Variants in PTPRM observed in about 807,000 individuals in gnomAD.
The protein encoded by PTPRM is protein tyrosine phosphatase receptor type M.
Under a neutral mutation model 186.7 loss-of-function variants are expected in PTPRM, and 47 were observed. The observed-to-expected ratio is 0.25, with a 90% CI of 0.20 to 0.32. PTPRM has a LOEUF of 0.32. PTPRM is among the 10% of genes least tolerant of loss of function. The pLI, the probability that PTPRM is intolerant of heterozygous loss-of-function variation, is 1.00. For synonymous variants in PTPRM, 668 were observed against 674.9 expected (o/e 0.99, Z 0.16); for missense variants, 1,494 against 1,865.0 (o/e 0.80, Z 3.66).
rs143210877 is a variant in PTPRM, at chr18:7,888,751, G to A, written c.468+374G>A. On this transcript the variant is annotated intron_variant, in intron 3 of 32. Transcript: ENST00000580170. The stretch of plus-strand genomic sequence containing the variant: ...CTAGGTGTCCATCAGTGGTGGACTG[G>A]ATTAAAAAAAACATGGTACATACAC... Among the ~76,000 whole-genome samples, 613 of 151,932 alleles carry A rather than the reference G, an allele frequency of 4.0e-3. 3 individuals carry two copies. Among genetic ancestry groups the A allele is most frequent in the African/African-American group, 0.014 (581 of 41,424 alleles).
At chr18:7,886,833 T>C (rs2048811523) in intron 2 of PTPRM, among the ~76,000 whole-genome samples, 1 of 152,194 alleles carries the variant, frequency 6.6e-6, no homozygotes, top group African/African-American at 2.4e-5. Context: ...TCTTAATCGG[T>C]GAAGGATATC....
chr18:8,199,711 A>G (rs2093827321), intron 14 of PTPRM, among the ~76,000 whole-genome samples: 1 of 152,224 alleles, frequency 6.6e-6, no homozygotes. Context: ...GGAAACAATG[A>G]GCCTAAATAA....
chr18:8,199,658 GATTCATTGAAGTGAAGGTATTTC>G (rs2093826500), intron 14 of PTPRM, among the ~76,000 whole-genome samples: 1 of 152,182 alleles, frequency 6.6e-6, no homozygotes, highest in Non-Finnish European at 1.5e-5. Flanking sequence ...ACAGGGACAA[GATTCATTGAAGTGAAGGTATTTC>G]ACTTCCAACT....
intron 22 of PTPRM, among the ~76,000 whole-genome samples, chr18:8,339,081 C>T (rs1035583389): frequency 2.0e-5 from 3 of 152,126 alleles, no homozygotes; most frequent in African/African-American, 7.2e-5. Flanking sequence ...TCTCTCACTT[C>T]CCATGAACTA....
chr18:8,205,451 C>G (rs1261517317), intron 14 of PTPRM, among the ~76,000 whole-genome samples: 1 of 152,066 alleles, frequency 6.6e-6, no homozygotes, highest in Non-Finnish European at 1.5e-5. Flanking sequence ...ACACTGAGTC[C>G]TTTGGGTTTG....
At chr18:8,237,431 ATTTTTTTTTTTTT>A (rs59073560) in intron 14 of PTPRM, among the ~76,000 whole-genome samples, 11 of 71,676 alleles carry the variant, frequency 1.5e-4, no homozygotes, top group South Asian at 5.3e-4. Context: ...GATTCCCTCA[ATTTTTTTTTTTTT>A]TTTTTTTTTT....
At chr18:8,237,445 T>TTA (rs1169619423) in intron 14 of PTPRM, among the ~76,000 whole-genome samples, 1 of 114,074 alleles carries the variant, frequency 8.8e-6, no homozygotes, top group African/African-American at 4.0e-5. Flanking sequence ...TTTTTTTTTT[T>TTA]TTTTTTTTTT....
At chr18:8,349,539 C>T (rs145367954) in intron 23 of PTPRM, among the ~76,000 whole-genome samples, 5 of 152,164 alleles carry the variant, frequency 3.3e-5, no homozygotes, top group Non-Finnish European at 7.3e-5. Context: ...GTCATCCTTT[C>T]GCCTATCATA....
intron 2 of PTPRM, among the ~76,000 whole-genome samples, chr18:7,872,489 A>C (rs2146197373): frequency 1.3e-5 from 2 of 152,316 alleles, no homozygotes; most frequent in Middle Eastern, 3.4e-3. Context: ...CCCGGATTGA[A>C]AACGATTACT....
chr18:8,025,600 A>G (rs1380892225), intron 7 of PTPRM, among the ~76,000 whole-genome samples: 2 of 152,248 alleles, frequency 1.3e-5, no homozygotes, highest in East Asian at 1.9e-4. Flanking sequence ...TGTATTTTAT[A>G]TAACATGAAG....
At chr18:7,795,841 G>A (rs1433603990) in intron 2 of PTPRM, among the ~76,000 whole-genome samples, 13 of 140,506 alleles carry the variant, frequency 9.3e-5, no homozygotes, top group Non-Finnish European at 1.7e-4. Context: ...GAGAGACAGG[G>A]TCTTGTTCTG....
chr18:8,244,299 C>T (rs985094031), intron 15 of PTPRM, 90 bp downstream of exon 15: 82 of 1,146,078 alleles, frequency 7.2e-5, no homozygotes, highest in Middle Eastern at 2.2e-4. Context: ...AAAAAAAAAG[C>T]TTCCTGAAGA....
Position 7,899,200 on chromosome 18 carries a change from G to A in PTPRM, c.469-7305G>A, listed in dbSNP as rs118127892. On this transcript the variant is annotated intron_variant, in intron 3 of 32. Coordinates refer to ENST00000580170, the MANE Select transcript of PTPRM (RefSeq NM_001105244.2). ...CAAAAAGAAGCACAAAAATGGAAAA[G>A]CATGGCACTAACTAGACCACGATAA... Among the ~76,000 whole-genome samples, 430 of 152,272 alleles carry A rather than the reference G, an allele frequency of 2.8e-3. 11 individuals carry two copies. In the East Asian group the frequency reaches 0.063, roughly 22 times the overall value.
chr18:8,371,131 G>T (rs907893573), intron 24 of PTPRM, 125 bp downstream of exon 24: 2 of 523,196 alleles, frequency 3.8e-6, no homozygotes, highest in Admixed American at 6.2e-5. Flanking sequence ...CTATCTGATG[G>T]TTTCTCAAGA....
intron 3 of PTPRM, among the ~76,000 whole-genome samples, chr18:7,900,106 A>T (rs2049583389): frequency 6.6e-6 from 1 of 152,252 alleles, no homozygotes; most frequent in Admixed American, 6.5e-5. Context: ...GCCAAGCAGG[A>T]AAGTTTTCTC....
intron 32 of PTPRM, among the ~76,000 whole-genome samples, chr18:8,405,566 C>T (rs1403742846): frequency 6.6e-6 from 1 of 152,208 alleles, no homozygotes; most frequent in East Asian, 1.9e-4. Flanking sequence ...CTGTCTCATC[C>T]TCCTCACTGG....
intron 2 of PTPRM, among the ~76,000 whole-genome samples, chr18:7,811,330 G>C (rs2044502349): frequency 6.6e-6 from 1 of 152,102 alleles, no homozygotes; most frequent in South Asian, 2.1e-4. Context: ...GCTTTGCATA[G>C]GCTTTGCACA....
chr18:7,864,992 T>A (rs562917020), intron 2 of PTPRM, among the ~76,000 whole-genome samples: 37 of 152,348 alleles, frequency 2.4e-4, no homozygotes, highest in Middle Eastern at 3.4e-3. Context: ...GATTTGGCTC[T>A]CTGTTTGTCT....
At chr18:7,876,987 G>T (rs1252830497) in intron 2 of PTPRM, among the ~76,000 whole-genome samples, 4 of 152,084 alleles carry the variant, frequency 2.6e-5, no homozygotes, top group Non-Finnish European at 4.4e-5. Flanking sequence ...GAGTAAAAGA[G>T]TTAATATATG....
Sources: allele counts gnomAD v4.1 joint callset (sites outside exome capture counted in the v4.1 genomes callset), GRCh38; gene constraint gnomAD v4.1.1; transcripts MANE v1.5; gene names NCBI Gene and HGNC (gene_info 2026-07-23, HGNC 2026-07-21).